Variants in PCDH15 observed in about 807,000 individuals in gnomAD.
The protein encoded by PCDH15 is protocadherin-15.
Under a neutral mutation model 178.5 loss-of-function variants are expected in PCDH15, and 129 were observed. The ratio of observed to expected loss-of-function variants is 0.72; its 90% CI spans 0.63 to 0.84. The LOEUF (loss-of-function observed/expected upper bound fraction) is 0.84, where lower values mean the gene tolerates loss of function less well. Ranked by LOEUF, PCDH15 falls within the 40% of genes least tolerant of loss-of-function variation. The pLI is 0.00. For missense variants in PCDH15, 2,230 were observed against 2,099.9 expected (o/e 1.06, Z -1.21); for synonymous variants, 800 against 732.0 (o/e 1.09, Z -1.50).
chr10:54,194,811 A>C (rs1564649842), intron 11 of PCDH15, among the ~76,000 whole-genome samples: 1 of 152,118 alleles, frequency 6.6e-6, no homozygotes, highest in Non-Finnish European at 1.5e-5. Context: ...ACAAACTCAA[A>C]GGAAAATCTT....
At chr10:54,962,493 C>G (rs906348081) in intron 2 of PCDH15, among the ~76,000 whole-genome samples, 1 of 152,208 alleles carries the variant, frequency 6.6e-6, no homozygotes, top group Non-Finnish European at 1.5e-5. Context: ...GCTCCCTGAA[C>G]CAGGGCTGTG....
intron 1 of PCDH15, among the ~76,000 whole-genome samples, chr10:55,175,072 G>A (rs1231424726): frequency 6.6e-6 from 1 of 152,018 alleles, no homozygotes; most frequent in African/African-American, 2.4e-5. Flanking sequence ...GCCAAGAAAG[G>A]GGAAGAACCT....
At chr10:55,495,716 G>T (rs891536416) in intron 2 of PCDH15, among the ~76,000 whole-genome samples, 1 of 151,722 alleles carries the variant, frequency 6.6e-6, no homozygotes, top group East Asian at 1.9e-4. Context: ...TATGACCCAT[G>T]AATTTCACTT....
intron 2 of PCDH15, among the ~76,000 whole-genome samples, chr10:55,395,819 T>C (rs1375592500): frequency 6.6e-6 from 1 of 152,024 alleles, no homozygotes; most frequent in Non-Finnish European, 1.5e-5. Flanking sequence ...ATAAACAAAA[T>C]TTAGTCTCAC....
At chr10:55,340,935 T>G (rs1442193728) in intron 2 of PCDH15, among the ~76,000 whole-genome samples, 1 of 151,948 alleles carries the variant, frequency 6.6e-6, no homozygotes, top group Admixed American at 6.6e-5. Context: ...AGACTATAAT[T>G]TGTCAAAATA....
chr10:54,659,593 A>C (rs1458267344), intron 2 of PCDH15, among the ~76,000 whole-genome samples: 1 of 151,974 alleles, frequency 6.6e-6, no homozygotes, highest in Non-Finnish European at 1.5e-5. Flanking sequence ...TCTCTATTAA[A>C]AATACAAAAA....
intron 2 of PCDH15, among the ~76,000 whole-genome samples, chr10:54,899,210 T>C (rs1368417827): frequency 1.3e-5 from 2 of 152,216 alleles, no homozygotes; most frequent in African/African-American, 4.8e-5. Context: ...TATATCCTAA[T>C]ACATGAAGAT....
chr10:55,412,433 A>G (rs1838361767), intron 2 of PCDH15, among the ~76,000 whole-genome samples: 1 of 152,036 alleles, frequency 6.6e-6, no homozygotes, highest in Non-Finnish European at 1.5e-5. Flanking sequence ...GCATGCCTGC[A>G]TATGTGCAAT....
Position 54,582,918 on chromosome 10 carries a change from TA to T in PCDH15, c.92-55042del, listed in dbSNP as rs2091164035. ...ATAAAAATAATGAAAATATTTGATC[TA>T]AAGAAAGGAATATACCATGTTTTCC... On this transcript the variant is annotated intron_variant, in intron 2 of 37. Transcript: ENST00000644397. 2.6e-5 allele frequency among the ~76,000 whole-genome samples: 4 copies of T among 152,098 alleles called. No homozygotes were observed. In the South Asian group the frequency reaches 8.3e-4, roughly 32 times the overall value.
intron 21 of PCDH15, among the ~76,000 whole-genome samples, chr10:53,969,187 T>A (rs7476989): frequency 0.7 from 106,661 of 151,532 alleles, 37,906 homozygotes; most frequent in East Asian, 0.87. Flanking sequence ...CTGAAAACCA[T>A]GGCACGAGAA....
chr10:54,340,645 C>G (rs1401856745), intron 6 of PCDH15, among the ~76,000 whole-genome samples: 1 of 152,100 alleles, frequency 6.6e-6, no homozygotes, highest in Admixed American at 6.5e-5. Flanking sequence ...GGAATGAAAG[C>G]AAGCAAAATA....
intron 26 of PCDH15, among the ~76,000 whole-genome samples, chr10:53,901,709 G>C (rs61347407): frequency 6.6e-6 from 1 of 151,932 alleles, no homozygotes; most frequent in Non-Finnish European, 1.5e-5. Context: ...ATTCACACTA[G>C]CCTCCAGCTC....
intron 2 of PCDH15, among the ~76,000 whole-genome samples, chr10:55,355,289 C>T (rs768566809): frequency 1.3e-5 from 2 of 151,916 alleles, no homozygotes; most frequent in African/African-American, 2.4e-5. Context: ...TTGGATTGCT[C>T]GGTCACATAG....
chr10:55,472,338 A>G (rs1839975288), intron 2 of PCDH15, among the ~76,000 whole-genome samples: 1 of 152,152 alleles, frequency 6.6e-6, no homozygotes. Flanking sequence ...GTTGAGAATA[A>G]TAAGTTTTTC....
chr10:53,975,143 A>T (rs1393662047), intron 21 of PCDH15, among the ~76,000 whole-genome samples: 1 of 152,166 alleles, frequency 6.6e-6, no homozygotes, highest in Non-Finnish European at 1.5e-5. Context: ...ATAGTATTCC[A>T]TGGTGCATAT....
chr10:54,188,678 T>C (rs2133847978), intron 11 of PCDH15, among the ~76,000 whole-genome samples: 1 of 151,640 alleles, frequency 6.6e-6, no homozygotes, highest in South Asian at 2.1e-4. Context: ...AACAAACATA[T>C]GAATATAAAA....
At chr10:55,038,769 T>C (rs936674010) in intron 2 of PCDH15, among the ~76,000 whole-genome samples, 2 of 152,058 alleles carry the variant, frequency 1.3e-5, no homozygotes, top group African/African-American at 4.8e-5. Flanking sequence ...TTGGAAGGGA[T>C]TCACTATGAT....
upstream of PCDH15, among the ~76,000 whole-genome samples, chr10:54,801,671 A>G (rs1024600667): frequency 6.6e-5 from 10 of 152,148 alleles, no homozygotes; most frequent in East Asian, 1.5e-3. Flanking sequence ...TCTTATATGA[A>G]GCCCTCCACA....
intron 1 of PCDH15, among the ~76,000 whole-genome samples, chr10:55,318,484 C>T (rs530147703): frequency 2.6e-5 from 4 of 151,662 alleles, no homozygotes; most frequent in African/African-American, 4.8e-5. Context: ...TGATAAAAAT[C>T]GAAAGTTCAA....
Sources: gnomAD v4.1 joint callset for allele counts (sites outside exome capture counted in the v4.1 genomes callset) on GRCh38, gnomAD v4.1.1 for gene constraint, MANE v1.5 for transcripts, NCBI Gene and HGNC (gene_info 2026-07-23, HGNC 2026-07-21) for gene names.